SPACA1: variants seen among roughly 807,000 people sequenced by gnomAD.
The protein encoded by SPACA1 is sperm acrosome associated 1.
A neutral mutation model predicts 32.6 loss-of-function variants in SPACA1; 17 were observed. The observed-to-expected ratio is 0.52, with a 90% CI of 0.36 to 0.78. SPACA1 has a LOEUF of 0.78. Ranked by LOEUF, SPACA1 falls within the 30% of genes least tolerant of loss-of-function variation. SPACA1 has a pLI of 0.01. For synonymous variants in SPACA1, 140 were observed against 138.1 expected (o/e 1.01, Z -0.10); for missense variants, 363 against 373.4 (o/e 0.97, Z 0.23).
chr6:88,053,928 T>G lies in SPACA1; in HGVS notation c.209-18T>G, dbSNP rs763116786. 5.0e-6 allele frequency: 8 copies of G among 1,609,120 alleles called. No individual in the cohort carries two copies. In the South Asian group the frequency reaches 8.8e-5, roughly 18 times the overall value. The stretch of plus-strand genomic sequence containing the variant: ...TTTTCATATAATTAAATAATGTATC[T>G]TTACCCTTTATGTTTAGTTTCAAAT... On this transcript the variant is annotated intron_variant, in intron 1 of 6. Coordinates refer to ENST00000237201, the MANE Select transcript of SPACA1 (RefSeq NM_030960.3).
At chr6:88,053,030 C>T (rs1486072897) in intron 1 of SPACA1, among the ~76,000 whole-genome samples, 1 of 152,190 alleles carries the variant, frequency 6.6e-6, no homozygotes, top group East Asian at 1.9e-4. Context: ...AATGCTTTCA[C>T]ACACATTATC....
rs750028950 is a variant in SPACA1, at chr6:88,057,646, A to T, written c.300A>T (p.Gly100=). ...IGVREVILTN[G]CPGGESKCVV... ...TTAGAGAAGTTATATTAACAAATGG[A>T]TGCCCTGGTGGTGAATCCAAGTGTG... The change falls in exon 3 of 7, where the codon GGA becomes GGT. Residue 100 remains glycine (G), a synonymous_variant. Transcript: ENST00000237201. 1 of 1,614,068 alleles carries T rather than the reference A, an allele frequency of 6.2e-7. No individual in the cohort carries two copies. Among genetic ancestry groups the T allele is most frequent in the East Asian group, 2.2e-5 (1 of 44,872 alleles).
At position 88,054,013 on chromosome 6, in the gene SPACA1, T is replaced by C. The variant is rs760676018; in HGVS notation, c.265+11T>C. ...GCACCGTTACATGTGGTAAGTAGCT[T>C]GGAGCAGATGAATAAACCATGTTGT... On this transcript the variant is annotated intron_variant, in intron 2 of 6. Transcript: ENST00000237201. 1.2e-6 allele frequency: 2 copies of C among 1,612,574 alleles called. No individual in the cohort carries two copies. The highest frequency in any genetic ancestry group is 1.7e-6 in the Non-Finnish European group (2 of 1,178,950).
chr6:88,051,866 A>G (rs1413669446), intron 1 of SPACA1, among the ~76,000 whole-genome samples: 4 of 152,238 alleles, frequency 2.6e-5, no homozygotes, highest in Non-Finnish European at 5.9e-5. Flanking sequence ...AGTCAGCATG[A>G]TAACAGCATC....
intron 3 of SPACA1, among the ~76,000 whole-genome samples, chr6:88,058,104 A>G (rs1775837295): frequency 6.6e-6 from 1 of 152,188 alleles, no homozygotes; most frequent in Non-Finnish European, 1.5e-5. Context: ...CTGAAATTTC[A>G]GTATCTCTAA....
intron 2 of SPACA1, among the ~76,000 whole-genome samples, chr6:88,055,307 T>C (rs537365827): frequency 6.6e-6 from 1 of 152,340 alleles, no homozygotes; most frequent in East Asian, 1.9e-4. Flanking sequence ...GGCATCGTTA[T>C]AGATGCTAGG....
upstream of SPACA1, among the ~76,000 whole-genome samples, chr6:88,047,297 G>A (rs1582264445): frequency 6.6e-6 from 1 of 152,028 alleles, no homozygotes; most frequent in Non-Finnish European, 1.5e-5. Context: ...TAAAAATGAG[G>A]GACTTGGAGT....
At chr6:88,056,513 G>A (rs1045156971) in intron 2 of SPACA1, among the ~76,000 whole-genome samples, 2 of 152,188 alleles carry the variant, frequency 1.3e-5, no homozygotes, top group Non-Finnish European at 2.9e-5. Flanking sequence ...GACTGCATCA[G>A]TATCACCTGG....
intron 5 of SPACA1, among the ~76,000 whole-genome samples, chr6:88,062,865 A>G (rs2127801903): frequency 6.6e-6 from 1 of 152,314 alleles, no homozygotes; most frequent in African/African-American, 2.4e-5. Context: ...AAATATAAAA[A>G]TTAGAGAGGT....
At position 88,059,433 on chromosome 6, in the gene SPACA1, AT is replaced by A. The variant is rs760894581; in HGVS notation, c.475-13del. On this transcript the variant is annotated intron_variant, in intron 4 of 6. Transcript: ENST00000237201. ...ACATGAAAAATGTTGATACTTTGTTATTTTTTTCTTTTTAAATAGCAATCCA... is the reference window on the plus strand; with the variant it reads ...ACATGAAAAATGTTGATACTTTGTTATTTTTTCTTTTTAAATAGCAATCCA... 3 of 1,571,820 alleles carry A rather than the reference AT, an allele frequency of 1.9e-6. No individual in the cohort carries two copies. Among genetic ancestry groups the A allele is most frequent in the African/African-American group, 1.4e-5 (1 of 72,696 alleles).
At chr6:88,060,276 T>A (rs1390019919) in intron 5 of SPACA1, among the ~76,000 whole-genome samples, 1 of 152,218 alleles carries the variant, frequency 6.6e-6, no homozygotes, top group Non-Finnish European at 1.5e-5. Flanking sequence ...CTCTTAACTG[T>A]TCTAATTGTT....
chr6:88,049,603 A>C (rs188228371), intron 1 of SPACA1, among the ~76,000 whole-genome samples: 212 of 152,358 alleles, frequency 1.4e-3, no homozygotes, highest in African/African-American at 4.8e-3. Context: ...CCCATTTACT[A>C]TCCAGTGGAC....
intron 2 of SPACA1, among the ~76,000 whole-genome samples, chr6:88,056,243 A>G (rs12154109): frequency 0.2 from 29,925 of 152,004 alleles, 3,275 homozygotes; most frequent in Middle Eastern, 0.3. Context: ...AATCCCAGCT[A>G]TTCAGGAGGC....
chr6:88,051,606 C>T (rs1775729433), intron 1 of SPACA1, among the ~76,000 whole-genome samples: 1 of 152,204 alleles, frequency 6.6e-6, no homozygotes, highest in Non-Finnish European at 1.5e-5. Flanking sequence ...AGGGAAGCCT[C>T]TGCACATCTT....
chr6:88,056,640 A>T (rs1348764146), intron 2 of SPACA1, among the ~76,000 whole-genome samples: 1 of 152,220 alleles, frequency 6.6e-6, no homozygotes, highest in Non-Finnish European at 1.5e-5. Flanking sequence ...AGCAGTTATA[A>T]GACACCTCTA....
At chr6:88,062,959 C>T (rs1775918648) in intron 5 of SPACA1, among the ~76,000 whole-genome samples, 1 of 152,102 alleles carries the variant, frequency 6.6e-6, no homozygotes, top group Non-Finnish European at 1.5e-5. Flanking sequence ...CAGGAGTAGG[C>T]AAACGTTTCT....
intron 1 of SPACA1, among the ~76,000 whole-genome samples, chr6:88,049,710 A>G (rs141957618): frequency 2.0e-5 from 3 of 152,350 alleles, no homozygotes; most frequent in African/African-American, 7.2e-5. Flanking sequence ...GAATTTAAAC[A>G]TGGAAAAATT....
Position 88,064,124 on chromosome 6 carries a change from A to G in SPACA1, c.636A>G (p.Leu212=), listed in dbSNP as rs199549041. 2.5e-6 allele frequency: 4 copies of G among 1,612,882 alleles called. No homozygotes were observed. The Admixed American group carries it at 5.0e-5, about 20-fold the overall frequency. The change falls in exon 6 of 7, where the codon CTA becomes CTG. Residue 212 remains leucine (L), a synonymous_variant. Transcript: ENST00000237201. Reference sequence around the variant, plus strand: ...AATTGCAGATGAGAAGATCAAGCCTACCAGCCACTGATGCAGCCCTAATTT... The same window carrying G: ...AATTGCAGATGAGAAGATCAAGCCTGCCAGCCACTGATGCAGCCCTAATTT... ...SSELQMRRSS[L]PATDAALIFV...
At chr6:88,047,411 A>T (rs1269800659), upstream of SPACA1, among the ~76,000 whole-genome samples, 1 of 152,244 alleles carries the variant, frequency 6.6e-6, no homozygotes, top group African/African-American at 2.4e-5. Flanking sequence ...ATTCTGGATA[A>T]GAAATTTTGA....
Sources: gnomAD v4.1 joint callset for allele counts (sites outside exome capture counted in the v4.1 genomes callset) on GRCh38, gnomAD v4.1.1 for gene constraint, MANE v1.5 for transcripts, NCBI Gene and HGNC (gene_info 2026-07-23, HGNC 2026-07-21) for gene names.